ZNF860: variants seen among roughly 807,000 people sequenced by gnomAD.
ZNF860 encodes zinc finger protein 860.
For missense variants in ZNF860, 641 were observed against 759.2 expected (o/e 0.84, Z 1.83); for synonymous variants, 206 against 248.9 (o/e 0.83, Z 1.62).
chr3:32,005,967 CAG>C, the ZNF860 span, among the ~76,000 whole-genome samples: 1 of 151,184 alleles, frequency 6.6e-6, no homozygotes. Flanking sequence ...TTTTTTGAGA[CAG>C]AGTCTTGCTC....
rs749645813 is a variant in ZNF860, at chr3:31,990,495, TA to T, written c.1418del (p.Lys473ArgfsTer26). 39 of 1,555,462 alleles carry T rather than the reference TA, an allele frequency of 2.5e-5. No individual in the cohort carries two copies. In the African/African-American group the frequency reaches 4.8e-4, roughly 19 times the overall value. Reference protein sequence around the residue: ...FHHNSALVIHKAIHTGEKPYK... With the variant: ...FHHNSALVIHXAIHTGEKPYK... ...ATCACAATTCAGCCCTTGTAATTCATAAGGCAATTCATACTGGAGAGAAACC... is the reference window on the plus strand; with the variant it reads ...ATCACAATTCAGCCCTTGTAATTCATAGGCAATTCATACTGGAGAGAAACC... On this transcript the variant is annotated frameshift_variant, in exon 2 of 2. Transcript: ENST00000360311. LOFTEE classifies it low-confidence loss of function (END_TRUNC).
At position 31,989,984 on chromosome 3, in the gene ZNF860, C is replaced by A. The variant is rs563925518; in HGVS notation, c.905C>A (p.Ala302Glu). Residue 302 changes from alanine to glutamate, a missense_variant, in exon 2 of 2, where the codon GCA (alanine) becomes GAA (glutamate). By Grantham distance (107) the Ala-to-Glu change is moderately radical. Coordinates refer to ENST00000360311, the MANE Select transcript of ZNF860 (RefSeq NM_001137674.3). Reference protein sequence around the residue: ...GKVFNQQSNLASHHRLHTGEK... With the variant: ...GKVFNQQSNLESHHRLHTGEK... The stretch of plus-strand genomic sequence containing the variant: ...GTTTTTAATCAACAATCAAACCTTG[C>A]AAGTCATCATAGACTTCATACTGGA... The A allele has an allele frequency of 4.3e-6, 7 of 1,613,862 alleles. No homozygotes were observed. The highest frequency in any genetic ancestry group is 3.3e-5 in the Admixed American group (2 of 59,992).
At chr3:31,996,566 T>C (rs970611656), downstream of ZNF860, among the ~76,000 whole-genome samples, 1 of 152,146 alleles carries the variant, frequency 6.6e-6, no homozygotes, top group African/African-American at 2.4e-5. Context: ...TTTCCCAAAG[T>C]TTAAAAAGAG....
At chr3:31,982,349 ACT>A (rs538597546) in intron 1 of ZNF860, among the ~76,000 whole-genome samples, 4 of 151,988 alleles carry the variant, frequency 2.6e-5, no homozygotes, top group Non-Finnish European at 4.4e-5. Context: ...AGGAACTCAG[ACT>A]CTCTCTCTCA....
rs1253009005 is a variant in ZNF860 at position 31,990,178 on chromosome 3, G to A, written c.1099G>A (p.Glu367Lys). 1.9e-6 allele frequency: 3 copies of A among 1,614,040 alleles called. No homozygotes were observed. Among genetic ancestry groups the A allele is most frequent in the South Asian group, 2.2e-5 (2 of 91,076 alleles). Residue 367 changes from glutamate to lysine, a missense_variant, in exon 2 of 2, where the codon GAG becomes AAG. Coordinates refer to ENST00000360311, the MANE Select transcript of ZNF860 (RefSeq NM_001137674.3). ...LTQHTRIHTG[E>K]KPYKCNECGK... is the part of the protein sequence containing the mutation. Reference sequence around the variant, plus strand: ...ACAACACACTAGAATTCACACTGGAGAGAAACCTTACAAGTGTAATGAGTG... The same window carrying A: ...ACAACACACTAGAATTCACACTGGAAAGAAACCTTACAAGTGTAATGAGTG...
At chr3:31,982,462 A>C (rs990857888) in intron 1 of ZNF860, among the ~76,000 whole-genome samples, 3 of 152,172 alleles carry the variant, frequency 2.0e-5, no homozygotes, top group African/African-American at 7.2e-5. Flanking sequence ...AGTTAAAAAA[A>C]ATTACTAAAT....
rs1699031576 is a variant in ZNF860 at position 31,991,648 on chromosome 3, CTG to C, written c.*673_*674del. 1 of 165,592 alleles carries C rather than the reference CTG, an allele frequency of 6.0e-6. No homozygotes were observed. The highest frequency in any genetic ancestry group is 1.5e-5 in the Non-Finnish European group (1 of 68,094). The allele number at this position is 165,592 out of a possible 1,614,324, so 10.3% of individuals were successfully genotyped here. A position where few individuals can be genotyped will look rare whatever the true frequency, so the allele number is the denominator to read the frequency against. On this transcript the variant is annotated 3_prime_UTR_variant, in exon 2 of 2. Transcript: ENST00000360311. ...AGCTTCAGTAGTATTTTAGTTGACT[CTG>C]TGATTTTCTACACAGCAGATCATGT...
Position 31,989,442 on chromosome 3 carries a change from A to C in ZNF860, c.363A>C (p.Arg121Ser). ...DFEFQWQEDK[R>S]NSHEATMTQI... ...AGTTTCAATGGCAAGAAGACAAAAG[A>C]AATAGCCATGAAGCAACTATGACAC... Residue 121 changes from arginine (R) to serine (S), a missense_variant, in exon 2 of 2, where the codon AGA becomes AGC. By Grantham distance (110) the Arg-to-Ser change is moderately radical. Transcript: ENST00000360311. 1 of 1,614,234 alleles carries C rather than the reference A, an allele frequency of 6.2e-7. No individual in the cohort carries two copies. Among genetic ancestry groups the C allele is most frequent in the African/African-American group, 1.3e-5 (1 of 75,060 alleles).
chr3:32,002,266 A>T, the ZNF860 span, among the ~76,000 whole-genome samples: 4 of 152,206 alleles, frequency 2.6e-5, no homozygotes, highest in Non-Finnish European at 5.9e-5. Flanking sequence ...GACCAGCAGG[A>T]ACAAAGCCTA....
rs576427985 is a variant in ZNF860 at position 31,989,672 on chromosome 3, G to A, written c.593G>A (p.Arg198Lys). The part of the protein sequence containing the change: ...SVLTSQRISS[R>K]PKIHISNNYE... ...CTAACGTCCCAAAGAATTTCTTCTA[G>A]GCCCAAAATCCATATTTCTAATAAC... is the stretch of plus-strand genomic sequence containing the variant. The change falls in exon 2 of 2, where the codon AGG becomes AAG. Residue 198 changes from arginine to lysine, a missense_variant. Physicochemically the swap from Arg to Lys is conservative, Grantham distance 26 (BLOSUM62 2). Transcript: ENST00000360311. 3 of 1,614,002 alleles carry A rather than the reference G, an allele frequency of 1.9e-6. No homozygotes were observed. The highest frequency in any genetic ancestry group is 1.7e-5 in the Admixed American group (1 of 59,998).
At chr3:32,003,616 C>G in the ZNF860 span, among the ~76,000 whole-genome samples, 1 of 152,208 alleles carries the variant, frequency 6.6e-6, no homozygotes, top group Non-Finnish European at 1.5e-5. Flanking sequence ...TGGGAGGGAA[C>G]AGACTGCACA....
chr3:31,999,180 G>T, the ZNF860 span, among the ~76,000 whole-genome samples: 1 of 152,148 alleles, frequency 6.6e-6, no homozygotes, highest in Non-Finnish European at 1.5e-5. Context: ...CACAAGAGCT[G>T]CAGTGGCAAT....
At chr3:31,987,423 C>T (rs1424171880) in intron 1 of ZNF860, among the ~76,000 whole-genome samples, 3 of 152,220 alleles carry the variant, frequency 2.0e-5, no homozygotes, top group Non-Finnish European at 4.4e-5. Context: ...TAACCTTTTA[C>T]ATTAGTTTAA....
At chr3:31,987,795 GC>G (rs1425404958) in intron 1 of ZNF860, among the ~76,000 whole-genome samples, 2 of 152,176 alleles carry the variant, frequency 1.3e-5, no homozygotes, top group Admixed American at 1.3e-4. Flanking sequence ...ACATTTATAA[GC>G]AAAAAATTGA....
downstream of ZNF860, among the ~76,000 whole-genome samples, chr3:31,996,478 C>A (rs1027113029): frequency 2.8e-5 from 4 of 144,954 alleles, no homozygotes; most frequent in African/African-American, 1.1e-4. Flanking sequence ...GATCTGAAGT[C>A]TTTTTAAATA....
At position 31,981,838 on chromosome 3, in the gene ZNF860, T is replaced by G. The variant is rs1029158533; in HGVS notation, c.-485T>G. ...GGAAATTATCACCGGCGGAGCAAAGTCACAGCTCAGGGAGGCCCTCCGCGT... is the reference window on the plus strand; with the variant it reads ...GGAAATTATCACCGGCGGAGCAAAGGCACAGCTCAGGGAGGCCCTCCGCGT... On this transcript the variant is annotated 5_prime_UTR_variant, in exon 1 of 2. Coordinates refer to ENST00000360311, the MANE Select transcript of ZNF860 (RefSeq NM_001137674.3). The surrounding 1 kb of genome is among the most constrained non-coding windows in gnomAD (Gnocchi z 4.5). The G allele has an allele frequency of 2.0e-5, 3 of 152,130 alleles. No homozygotes were observed. The highest frequency in any genetic ancestry group is 4.4e-5 in the Non-Finnish European group (3 of 68,052). The allele number at this position is 152,130 out of a possible 1,614,324, so 9.4% of individuals were successfully genotyped here. A position where few individuals can be genotyped will look rare whatever the true frequency, so the allele number is the denominator to read the frequency against.
the ZNF860 span, among the ~76,000 whole-genome samples, chr3:31,996,772 A>G: frequency 6.6e-6 from 1 of 152,230 alleles, no homozygotes. Flanking sequence ...TCCCGCTATC[A>G]ACTCCAGAGA....
Position 31,989,309 on chromosome 3 carries a change from C to T in ZNF860, c.230C>T (p.Thr77Ile). 1 of 1,614,132 alleles carries T rather than the reference C, an allele frequency of 6.2e-7. No individual in the cohort carries two copies. Among genetic ancestry groups the T allele is most frequent in the African/African-American group, 1.3e-5 (1 of 75,012 alleles). Residue 77 changes from threonine to isoleucine, a missense_variant, in exon 2 of 2, where the codon ACA becomes ATA. Physicochemically the swap from Thr to Ile is moderately conservative, Grantham distance 89 (BLOSUM62 -1). Coordinates refer to ENST00000360311, the MANE Select transcript of ZNF860 (RefSeq NM_001137674.3). The part of the protein sequence containing the change: ...SKCMMKKFSS[T>I]AQGNTEVDTG... ...TGCATGATGAAGAAGTTCTCATCAACAGCGCAAGGCAATACAGAAGTGGAC... is the reference window on the plus strand; with the variant it reads ...TGCATGATGAAGAAGTTCTCATCAATAGCGCAAGGCAATACAGAAGTGGAC...
chr3:31,982,760 T>G (rs1279832547), intron 1 of ZNF860, among the ~76,000 whole-genome samples: 1 of 152,234 alleles, frequency 6.6e-6, no homozygotes, highest in Non-Finnish European at 1.5e-5. Flanking sequence ...CTTAGTTTTC[T>G]CACTGCAAAA....
Sources: gnomAD v4.1 joint callset for allele counts (sites outside exome capture counted in the v4.1 genomes callset) on GRCh38, gnomAD v4.1.1 for gene constraint, Gnocchi (gnomAD v3.1) non-coding constraint, MANE v1.5 for transcripts, NCBI Gene and HGNC (gene_info 2026-07-23, HGNC 2026-07-21) for gene names.